MED16: variants seen among roughly 807,000 people sequenced by gnomAD.
The protein encoded by MED16 is mediator complex subunit 16.
In MED16, 81 loss-of-function variants were observed where a neutral mutation model predicts 84.4. The observed-to-expected ratio is 0.96, with a 90% CI of 0.80 to 1.15. MED16 has a LOEUF of 1.15. Ranked by LOEUF, MED16 falls within the 50% of genes most tolerant of loss-of-function variation. MED16 has a pLI of 0.00. For missense variants in MED16, 1,585 were observed against 1,245.9 expected (o/e 1.27, Z -4.10); for synonymous variants, 897 against 552.2 (o/e 1.62, Z -8.76).
In MED16 at chr19:871,239, GGCCCTCATCGC is replaced by G; in HGVS notation, c.2102_2112del (p.Arg701ProfsTer12). On this transcript the variant is annotated frameshift_variant, in exon 13 of 16. Transcript: ENST00000325464. LOFTEE classifies it high-confidence loss of function. Reference sequence around the variant, plus strand: ...AGCGCCTCGTCCGGCTCGCTCGCTGGGCCCTCATCGCGACCTGCGGAGAGAGGTGGCGGAAG... The same window carrying G: ...AGCGCCTCGTCCGGCTCGCTCGCTGGGACCTGCGGAGAGAGGTGGCGGAAG... 2 of 1,539,326 alleles carry G rather than the reference GGCCCTCATCGC, an allele frequency of 1.3e-6. No homozygotes were observed. Among genetic ancestry groups the G allele is most frequent in the Non-Finnish European group, 1.8e-6 (2 of 1,138,648 alleles).
intron 6 of MED16, 124 bp downstream of exon 6, chr19:884,779 A>G: frequency 1.4e-6 from 1 of 710,988 alleles, no homozygotes; most frequent in Non-Finnish European, 2.4e-6. Context: ...GATCGAGGCG[A>G]GACGATCGCT....
intron 13 of MED16, among the ~76,000 whole-genome samples, chr19:869,170 G>A (rs1410673387): frequency 1.3e-5 from 2 of 152,176 alleles, no homozygotes; most frequent in South Asian, 2.1e-4. Context: ...TGGTCTCCCA[G>A]GTGCCTGGGG....
At position 871,141 on chromosome 19, in the gene MED16, G is replaced by A; in HGVS notation, c.2211C>T (p.Gly737=). The A allele has an allele frequency of 1.3e-6, 2 of 1,548,126 alleles. No homozygotes were observed. The highest frequency in any genetic ancestry group is 1.7e-6 in the Non-Finnish European group (2 of 1,145,582). ...GCTTGGGCTGCAGGCGGCTAACCAGGCCGTCGCTGGCTGGCAGCCAGTCCA... is the reference window on the plus strand; with the variant it reads ...GCTTGGGCTGCAGGCGGCTAACCAGACCGTCGCTGGCTGGCAGCCAGTCCA... The part of the protein sequence containing the change: ...PSLDWLPASD[G]LVSRLQPKQP... Residue 737 remains glycine, a synonymous_variant, in exon 13 of 16, where the codon GGC becomes GGT. Transcript: ENST00000325464.
At chr19:886,558 C>G (rs534293093) in intron 4 of MED16, among the ~76,000 whole-genome samples, 1 of 152,210 alleles carries the variant, frequency 6.6e-6, no homozygotes, top group African/African-American at 2.4e-5. Flanking sequence ...CTGGCTCTGC[C>G]GTGGCGGCAC....
In MED16 at chr19:885,835, T is replaced by G. The variant is rs1446459081; in HGVS notation, c.814A>C (p.Asn272His). 6.2e-7 allele frequency: 1 copy of G among 1,613,654 alleles called. No individual in the cohort carries two copies. The highest frequency in any genetic ancestry group is 1.7e-5 in the Admixed American group (1 of 60,020). Residue 272 changes from asparagine to histidine, a missense_variant, in exon 5 of 16, where the codon AAC becomes CAC. Transcript: ENST00000325464. ...ATGGCGGGAAACTTGTCCTTGCGGTTGAGGTCGGTGGTGCAGCGCATGAAC... is the reference window on the plus strand; with the variant it reads ...ATGGCGGGAAACTTGTCCTTGCGGTGGAGGTCGGTGGTGCAGCGCATGAAC... ...SLFMRCTTDL[N>H]RKDKFPAITH... is the part of the protein sequence containing the mutation.
chr19:884,755 C>A, intron 6 of MED16, 148 bp downstream of exon 6: 1 of 648,486 alleles, frequency 1.5e-6, no homozygotes, highest in Admixed American at 2.5e-5. Flanking sequence ...ACCCGAGATC[C>A]TAGCACTACT....
At chr19:883,258 T>C (rs2036456442) in intron 6 of MED16, among the ~76,000 whole-genome samples, 1 of 149,944 alleles carries the variant, frequency 6.7e-6, no homozygotes, top group South Asian at 2.1e-4. Context: ...CGTGGGGCGG[T>C]GCGTGAAGAG....
chr19:877,591 G>C (rs912766589), intron 8 of MED16, among the ~76,000 whole-genome samples: 10 of 152,220 alleles, frequency 6.6e-5, no homozygotes, highest in Admixed American at 3.3e-4. Flanking sequence ...GCTGGCGAGG[G>C]GCTTGCACCT....
intron 8 of MED16, among the ~76,000 whole-genome samples, chr19:878,824 T>A (rs2036335576): frequency 1.1e-5 from 1 of 93,654 alleles, no homozygotes; most frequent in African/African-American, 4.1e-5. Context: ...GCAGCTCCCC[T>A]TCCCCTGGTT....
intron 14 of MED16, 129 bp from the exon 15 acceptor site, chr19:868,628 C>G (rs2035973193): frequency 2.3e-6 from 3 of 1,288,610 alleles, no homozygotes; most frequent in African/African-American, 3.0e-5. Flanking sequence ...ACGTCCCCAC[C>G]TGCCACAGGG....
intron 9 of MED16, 149 bp downstream of exon 9, chr19:876,825 G>A: frequency 2.7e-6 from 2 of 728,330 alleles, no homozygotes; most frequent in Non-Finnish European, 4.4e-6. Flanking sequence ...TGACCACGGG[G>A]CCCCTGCCTG....
chr19:883,989 C>T (rs1160958890), intron 6 of MED16, among the ~76,000 whole-genome samples: 1 of 152,142 alleles, frequency 6.6e-6, no homozygotes, highest in Admixed American at 6.5e-5. Context: ...ACCTTTACTG[C>T]CTCTGCGGCC....
At chr19:869,023 G>T in intron 13 of MED16, 77 bp from the exon 14 acceptor site, 1 of 1,314,026 alleles carries the variant, frequency 7.6e-7, no homozygotes, top group Non-Finnish European at 1.0e-6. Flanking sequence ...CTGTCCACAG[G>T]CGGGGGTGGA....
At chr19:881,763 G>C in intron 6 of MED16, 49 bp from the exon 7 acceptor site, 1 of 1,582,582 alleles carries the variant, frequency 6.3e-7, no homozygotes, top group Non-Finnish European at 8.6e-7. Context: ...GTAAAGACAG[G>C]CTGAGACAGC....
chr19:884,877 G>A (rs771701938), intron 6 of MED16, 26 bp downstream of exon 6: 9 of 1,571,446 alleles, frequency 5.7e-6, no homozygotes, highest in Admixed American at 1.8e-5. Flanking sequence ...CAGGCCCAGG[G>A]CCTCCGCAGC....
chr19:875,506 C>T (rs761406984), intron 9 of MED16, 52 bp from the exon 10 acceptor site: 57 of 1,444,380 alleles, frequency 3.9e-5, no homozygotes, highest in Non-Finnish European at 5.4e-5. Flanking sequence ...AGGCGCCCGC[C>T]AAGGCTCCAG....
At chr19:886,365 T>C (rs527728068) in intron 4 of MED16, among the ~76,000 whole-genome samples, 164 bp from the exon 5 acceptor site, 173 of 152,284 alleles carry the variant, frequency 1.1e-3, no homozygotes, top group Non-Finnish European at 5.1e-4. Flanking sequence ...TGTGATCCCC[T>C]CTGACCCTCC....
At chr19:873,387 G>C in intron 11 of MED16, 62 bp downstream of exon 11, 11 of 1,547,914 alleles carry the variant, frequency 7.1e-6, no homozygotes, top group Admixed American at 1.7e-5. Context: ...GCAGGGAAGC[G>C]GGGTCCTGAT....
intron 6 of MED16, among the ~76,000 whole-genome samples, chr19:881,992 A>G (rs2036430710): frequency 6.6e-6 from 1 of 152,226 alleles, no homozygotes; most frequent in Admixed American, 6.5e-5. Flanking sequence ...TGGGGCAGAC[A>G]GTGGGGAGAC....
Sources: allele counts gnomAD v4.1 joint callset (sites outside exome capture counted in the v4.1 genomes callset), GRCh38; gene constraint gnomAD v4.1.1; transcripts MANE v1.5; gene names NCBI Gene and HGNC (gene_info 2026-07-23, HGNC 2026-07-21).